Variants in FBXO34 observed in about 807,000 individuals in gnomAD.
The protein encoded by FBXO34 is F-box only protein 34.
FBXO34 carries 12 observed loss-of-function variants against 24.5 expected under a neutral mutation model. That is an observed-to-expected ratio of 0.49 (90% CI 0.31 to 0.79). FBXO34 has a LOEUF of 0.79. Among genes scored for constraint, FBXO34 ranks in the 30% least tolerant of loss-of-function variants. The pLI is 0.04. For synonymous variants in FBXO34, 320 were observed against 311.9 expected, an observed-to-expected ratio of 1.03 and a Z score of -0.27; for missense variants, 823 against 857.7, an observed-to-expected ratio of 0.96 and a Z score of 0.51.
intron 1 of FBXO34, among the ~76,000 whole-genome samples, chr14:55,321,331 C>A (rs1324259976): frequency 2.6e-5 from 4 of 152,132 alleles, no homozygotes; most frequent in Non-Finnish European, 5.9e-5. Context: ...AGAACAGATG[C>A]CTTCTATTCC....
chr14:55,298,911 A>G, intron 1 of FBXO34: 15 of 1,580,814 alleles, frequency 9.5e-6, no homozygotes, highest in East Asian at 4.5e-5. Flanking sequence ...TGCCAACACC[A>G]ATACCGAGGT....
At chr14:55,298,562 G>T in intron 1 of FBXO34, 1 of 685,718 alleles carries the variant, frequency 1.5e-6, no homozygotes, top group Non-Finnish European at 2.5e-6. Flanking sequence ...TTTGAAAAAA[G>T]CAAATTTGGC....
At chr14:55,291,864 G>A (rs1881955282) in intron 1 of FBXO34, among the ~76,000 whole-genome samples, 1 of 152,116 alleles carries the variant, frequency 6.6e-6, no homozygotes, top group Admixed American at 6.5e-5. Context: ...TGTGGGGGTG[G>A]CTGAGATGGG....
chr14:55,386,163 C>T, the FBXO34 span: 2 of 1,324,374 alleles, frequency 1.5e-6, no homozygotes, highest in African/African-American at 1.5e-5. Context: ...CAGAGCTCCA[C>T]CCCACAAACA....
At chr14:55,418,752 TG>T in the FBXO34 span, among the ~76,000 whole-genome samples, 2 of 152,194 alleles carry the variant, frequency 1.3e-5, no homozygotes, top group African/African-American at 4.8e-5. Flanking sequence ...GAAGCATCTT[TG>T]TCTTCATATT....
At chr14:55,319,176 CA>C (rs1883041232) in intron 1 of FBXO34, among the ~76,000 whole-genome samples, 2 of 152,258 alleles carry the variant, frequency 1.3e-5, no homozygotes, top group African/African-American at 4.8e-5. Flanking sequence ...GAGGAATGCA[CA>C]TATTTACACT....
chr14:55,302,787 G>C (rs1174890265), intron 1 of FBXO34, among the ~76,000 whole-genome samples: 2 of 151,994 alleles, frequency 1.3e-5, no homozygotes, highest in Non-Finnish European at 2.9e-5. Flanking sequence ...GAGAAGAATT[G>C]GTTAAAGACT....
At chr14:55,421,069 A>AAG in the FBXO34 span, among the ~76,000 whole-genome samples, 2 of 151,700 alleles carry the variant, frequency 1.3e-5, no homozygotes, top group Non-Finnish European at 2.9e-5. Flanking sequence ...TCAAAAAAAA[A>AAG]AAAAAAAAAG....
the FBXO34 span, among the ~76,000 whole-genome samples, chr14:55,428,322 G>C: frequency 6.6e-6 from 1 of 151,584 alleles, no homozygotes; most frequent in African/African-American, 2.4e-5. Flanking sequence ...GTAGAGACAG[G>C]GTTTCACCGT....
intron 1 of FBXO34, among the ~76,000 whole-genome samples, chr14:55,300,926 C>T (rs925874934): frequency 2.6e-5 from 4 of 152,142 alleles, no homozygotes; most frequent in African/African-American, 9.7e-5. Context: ...TCTGAATATA[C>T]TAAGGTTATT....
At chr14:55,340,944 G>A (rs1428467803) in intron 1 of FBXO34, among the ~76,000 whole-genome samples, 1 of 152,132 alleles carries the variant, frequency 6.6e-6, no homozygotes, top group Non-Finnish European at 1.5e-5. Flanking sequence ...TGCAAGTGAT[G>A]TCAGAAATTG....
chr14:55,433,346 T>G, the FBXO34 span, among the ~76,000 whole-genome samples: 1 of 144,450 alleles, frequency 6.9e-6, no homozygotes, highest in Non-Finnish European at 1.5e-5. Context: ...AGAGATGGAG[T>G]CTCACTGTGT....
the FBXO34 span, among the ~76,000 whole-genome samples, chr14:55,425,600 G>A: frequency 6.6e-6 from 1 of 152,156 alleles, no homozygotes; most frequent in African/African-American, 2.4e-5. Flanking sequence ...GGTTAGGGAT[G>A]GAGAACATTT....
At chr14:55,312,260 C>T (rs1314677171) in intron 1 of FBXO34, among the ~76,000 whole-genome samples, 1 of 152,188 alleles carries the variant, frequency 6.6e-6, no homozygotes, top group Non-Finnish European at 1.5e-5. Context: ...TGTCTCACAT[C>T]CAGGTCACAC....
the FBXO34 span, among the ~76,000 whole-genome samples, chr14:55,428,119 C>CTTTTTTCTTTTTT: frequency 2.3e-5 from 1 of 43,332 alleles, no homozygotes; most frequent in Non-Finnish European, 3.8e-5. Flanking sequence ...CATGCCTTAT[C>CTTTTTTCTTTTTT]TTTTTTTTTT....
downstream of FBXO34, among the ~76,000 whole-genome samples, chr14:55,356,967 T>C (rs1594770599): frequency 1.3e-5 from 2 of 152,290 alleles, no homozygotes; most frequent in Middle Eastern, 6.8e-3. Flanking sequence ...AGGCTGGGAA[T>C]CTGATTGCTT....
chr14:55,429,375 C>A, the FBXO34 span, among the ~76,000 whole-genome samples: 2 of 152,186 alleles, frequency 1.3e-5, no homozygotes, highest in African/African-American at 2.4e-5. Context: ...GGGGGTGGGG[C>A]CGAGCAATCT....
At chr14:55,437,807 A>G in the FBXO34 span, among the ~76,000 whole-genome samples, 1 of 152,262 alleles carries the variant, frequency 6.6e-6, no homozygotes, top group South Asian at 2.1e-4. Context: ...AAGACTCACT[A>G]AAGACCCATG....
At chr14:55,399,655 ATATAG>A in the FBXO34 span, among the ~76,000 whole-genome samples, 1 of 152,244 alleles carries the variant, frequency 6.6e-6, no homozygotes, top group African/African-American at 2.4e-5. Context: ...TGAGAGACTA[ATATAG>A]TATTTACTTT....
Sources: allele counts gnomAD v4.1 joint callset (sites outside exome capture counted in the v4.1 genomes callset), GRCh38; gene constraint gnomAD v4.1.1; transcripts MANE v1.5; gene names NCBI Gene and HGNC (gene_info 2026-07-23, HGNC 2026-07-21).